C1orf21: variants seen among roughly 807,000 people sequenced by gnomAD.
C1orf21 encodes uncharacterized protein C1orf21.
C1orf21 carries 3 observed loss-of-function variants against 18.7 expected under a neutral mutation model. The observed-to-expected ratio is 0.16, with a 90% CI of 0.07 to 0.42. The LOEUF (loss-of-function observed/expected upper bound fraction) is 0.42, where lower values mean the gene tolerates loss of function less well. Ranked by LOEUF, C1orf21 falls within the 10% of genes least tolerant of loss-of-function variation. The pLI is 0.99. For synonymous variants in C1orf21, 41 were observed against 46.4 expected, an observed-to-expected ratio of 0.88 and a Z score of 0.47; for missense variants, 104 against 143.6, an observed-to-expected ratio of 0.72 and a Z score of 1.41.
intron 1 of C1orf21, among the ~76,000 whole-genome samples, chr1:184,435,153 C>T (rs1363990960): frequency 1.3e-5 from 2 of 152,158 alleles, no homozygotes; most frequent in African/African-American, 4.8e-5. Flanking sequence ...TGGGTTTGGA[C>T]TTCTGTCATT....
At chr1:184,561,409 C>T (rs1658962291) in intron 3 of C1orf21, among the ~76,000 whole-genome samples, 1 of 152,160 alleles carries the variant, frequency 6.6e-6, no homozygotes, top group Admixed American at 6.5e-5. Flanking sequence ...ATCTGGATGA[C>T]AGTGTGCTGT....
At chr1:184,447,320 G>C (rs1657050016) in intron 1 of C1orf21, among the ~76,000 whole-genome samples, 1 of 152,144 alleles carries the variant, frequency 6.6e-6, no homozygotes. Flanking sequence ...TAGTTGTTAG[G>C]TTAATGCTTT....
chr1:184,461,485 A>C (rs543207933), intron 1 of C1orf21, among the ~76,000 whole-genome samples: 1 of 152,310 alleles, frequency 6.6e-6, no homozygotes, highest in African/African-American at 2.4e-5. Context: ...CATTTCCTGC[A>C]CTACAGAACC....
intron 3 of C1orf21, among the ~76,000 whole-genome samples, chr1:184,573,624 G>A (rs949746335): frequency 6.6e-6 from 1 of 152,214 alleles, no homozygotes; most frequent in African/African-American, 2.4e-5. Context: ...AGTGCTGGCA[G>A]CGAGCTTCAC....
At chr1:184,616,712 G>A (rs1024136179) in intron 5 of C1orf21, among the ~76,000 whole-genome samples, 5 of 141,630 alleles carry the variant, frequency 3.5e-5, no homozygotes, top group African/African-American at 1.4e-4. Flanking sequence ...ACGTGTGTAT[G>A]TGTGTTGTGT....
chr1:184,510,834 A>G lies in C1orf21; in HGVS notation c.189+3152A>G, dbSNP rs1028358096. Among the ~76,000 whole-genome samples, 14 of 152,356 alleles carry G rather than the reference A, an allele frequency of 9.2e-5. 1 individual carries two copies. In the South Asian group the frequency reaches 2.7e-3, roughly 29 times the overall value. On this transcript the variant is annotated intron_variant, in intron 3 of 5. Transcript: ENST00000235307. ...ACAATTCAGGAATGTTTATGTGGCA[A>G]CAGCTGGTGTAATATGGATTTGGTT...
At chr1:184,613,085 G>T (rs1020095172) in intron 5 of C1orf21, among the ~76,000 whole-genome samples, 5 of 152,134 alleles carry the variant, frequency 3.3e-5, no homozygotes, top group South Asian at 4.1e-4. Context: ...GAGTAGCTGG[G>T]ATTACAGGCG....
intron 3 of C1orf21, among the ~76,000 whole-genome samples, chr1:184,548,557 G>T (rs1170723180): frequency 6.6e-6 from 1 of 151,880 alleles, no homozygotes; most frequent in Non-Finnish European, 1.5e-5. Flanking sequence ...AGTCTACCTG[G>T]ACTCTACACT....
chr1:184,576,121 C>CT (rs1036931800), intron 3 of C1orf21, among the ~76,000 whole-genome samples: 3 of 149,010 alleles, frequency 2.0e-5, no homozygotes, highest in Admixed American at 6.7e-5. Flanking sequence ...GTTTCTGTCA[C>CT]TTTTTTTTTC....
chr1:184,499,084 A>ATCC (rs999614331), intron 2 of C1orf21, among the ~76,000 whole-genome samples: 4 of 151,956 alleles, frequency 2.6e-5, no homozygotes, highest in South Asian at 2.1e-4. Flanking sequence ...GCTCTCATTT[A>ATCC]TCCTCCTCCT....
At chr1:184,422,341 A>C (rs1656558868) in intron 1 of C1orf21, among the ~76,000 whole-genome samples, 1 of 152,226 alleles carries the variant, frequency 6.6e-6, no homozygotes, top group Non-Finnish European at 1.5e-5. Flanking sequence ...TTGGTCAAGT[A>C]GCTTAATAAT....
chr1:184,472,433 T>G (rs995193140), intron 1 of C1orf21, among the ~76,000 whole-genome samples: 3 of 152,216 alleles, frequency 2.0e-5, no homozygotes, highest in Non-Finnish European at 2.9e-5. Flanking sequence ...ATTCGTATTT[T>G]AGAAGTGCCT....
intron 5 of C1orf21, among the ~76,000 whole-genome samples, chr1:184,613,996 G>C (rs888004937): frequency 1.3e-5 from 2 of 152,158 alleles, no homozygotes; most frequent in Non-Finnish European, 1.5e-5. Context: ...GGCAGAGCAA[G>C]ACTCTCTCTG....
chr1:184,569,517 T>C (rs144140907), intron 3 of C1orf21, among the ~76,000 whole-genome samples: 1 of 152,298 alleles, frequency 6.6e-6, no homozygotes, highest in East Asian at 1.9e-4. Flanking sequence ...TCCTTTCAAA[T>C]AAAATTACCT....
At chr1:184,593,393 A>C (rs1659468713) in intron 4 of C1orf21, among the ~76,000 whole-genome samples, 2 of 152,190 alleles carry the variant, frequency 1.3e-5, no homozygotes, top group Non-Finnish European at 2.9e-5. Context: ...GAAGAGTTTT[A>C]CTTTTCCTAC....
Position 184,627,278 on chromosome 1 carries a change from C to G in C1orf21, c.*7722C>G, listed in dbSNP as rs74134122. 6.6e-6 allele frequency: 1 copy of G among 152,046 alleles called. No individual in the cohort carries two copies. The highest frequency in any genetic ancestry group is 1.5e-5 in the Non-Finnish European group (1 of 68,048). 9.4% of individuals were successfully genotyped at this position (152,046 alleles called of 1,614,324 possible). ...AGGTTTTCCAAATAACCTCGGAGTT[C>G]AGAGCATTGGGTTTTTTTCTCCCCT... On this transcript the variant is annotated 3_prime_UTR_variant, in exon 6 of 6. Coordinates refer to ENST00000235307, the MANE Select transcript of C1orf21 (RefSeq NM_030806.4).
chr1:184,525,436 G>T (rs1658364922), intron 3 of C1orf21, among the ~76,000 whole-genome samples: 1 of 151,894 alleles, frequency 6.6e-6, no homozygotes, highest in Non-Finnish European at 1.5e-5. Context: ...CTATTTGTTT[G>T]TTTTTAAGCC....
At chr1:184,415,183 A>G (rs1371997409) in intron 1 of C1orf21, among the ~76,000 whole-genome samples, 3 of 152,202 alleles carry the variant, frequency 2.0e-5, no homozygotes, top group African/African-American at 7.2e-5. Context: ...AGATGGGCAT[A>G]GGTAGCCCAA....
intron 2 of C1orf21, among the ~76,000 whole-genome samples, chr1:184,484,217 G>T (rs1657700436): frequency 6.6e-6 from 1 of 152,066 alleles, no homozygotes; most frequent in African/African-American, 2.4e-5. Context: ...GCGCAGCCTT[G>T]TTTTGTACTC....
Sources: allele counts gnomAD v4.1 joint callset (sites outside exome capture counted in the v4.1 genomes callset), GRCh38; gene constraint gnomAD v4.1.1; transcripts MANE v1.5; gene names NCBI Gene and HGNC (gene_info 2026-07-23, HGNC 2026-07-21).